Variants in FBXW7 observed in about 807,000 individuals in gnomAD.
FBXW7 encodes the protein F-box and WD repeat domain containing 7, also known as F-box/WD repeat-containing protein 7.
A neutral mutation model predicts 86.3 loss-of-function variants in FBXW7; 11 were observed. The ratio of observed to expected loss-of-function variants is 0.13; its 90% confidence interval spans 0.08 to 0.21. The LOEUF (loss-of-function observed/expected upper bound fraction) is 0.21. Among genes scored for constraint, FBXW7 ranks in the 10% least tolerant of loss-of-function variants. FBXW7 has a pLI of 1.00. For missense variants in FBXW7, 488 were observed against 847.4 expected, an observed-to-expected ratio of 0.58 and a Z score of 5.27; for synonymous variants, 313 against 297.9, an observed-to-expected ratio of 1.05 and a Z score of -0.52.
chr4:152,324,140 G>T lies in FBXW7; in HGVS notation c.1855+44C>A, dbSNP rs749623177. 4.8e-6 allele frequency: 7 copies of T among 1,450,558 alleles called. No individual in the cohort carries two copies. The East Asian group carries it at 1.4e-4, about 28-fold the overall frequency. 89.9% of individuals were successfully genotyped at this position (1,450,558 alleles called of 1,614,324 possible). A position where few individuals can be genotyped will look rare whatever the true frequency, so the allele number is the denominator to read the frequency against. ...AGGCTCCATATTTCTCTTGAATAATGATCTCATTTTTAATGAACAAAACGA... is the reference window on the plus strand; with the variant it reads ...AGGCTCCATATTTCTCTTGAATAATTATCTCATTTTTAATGAACAAAACGA... On this transcript the variant is annotated intron_variant, in intron 13 of 13. Transcript: ENST00000281708.
At chr4:152,446,399 CTAACTCT>C (rs1741403758) in intron 2 of FBXW7, among the ~76,000 whole-genome samples, 1 of 145,416 alleles carries the variant, frequency 6.9e-6, no homozygotes, top group Non-Finnish European at 1.5e-5. Flanking sequence ...ATCCTTCTTC[CTAACTCT>C]AACTTCTATA....
intron 7 of FBXW7, among the ~76,000 whole-genome samples, chr4:152,334,731 A>G (rs1392638455): frequency 6.6e-6 from 1 of 152,206 alleles, no homozygotes. Flanking sequence ...AGAGAAATAT[A>G]AAGAAATACT....
At chr4:152,526,176 C>A (rs934772564) in intron 2 of FBXW7, among the ~76,000 whole-genome samples, 4 of 150,404 alleles carry the variant, frequency 2.7e-5, no homozygotes, top group African/African-American at 4.9e-5. Context: ...TTCTTATAGA[C>A]GTTGGACAAT....
intron 2 of FBXW7, among the ~76,000 whole-genome samples, chr4:152,519,674 A>G (rs1445030151): frequency 6.6e-6 from 1 of 152,228 alleles, no homozygotes; most frequent in African/African-American, 2.4e-5. Flanking sequence ...TTTCACAATT[A>G]TTTTGTATAA....
intron 6 of FBXW7, among the ~76,000 whole-genome samples, chr4:152,341,610 ACT>A (rs1450122651): frequency 6.6e-6 from 1 of 152,132 alleles, no homozygotes; most frequent in Non-Finnish European, 1.5e-5. Context: ...ATCAGGAAAT[ACT>A]CTCTCTAGAT....
At chr4:152,474,341 T>C (rs1481854316) in intron 2 of FBXW7, among the ~76,000 whole-genome samples, 1 of 152,234 alleles carries the variant, frequency 6.6e-6, no homozygotes, top group Non-Finnish European at 1.5e-5. Flanking sequence ...CATGTTTAGA[T>C]AGTGTTCGTA....
intron 6 of FBXW7, among the ~76,000 whole-genome samples, chr4:152,341,379 C>T (rs1281441974): frequency 3.3e-5 from 5 of 152,192 alleles, no homozygotes; most frequent in African/African-American, 1.2e-4. Flanking sequence ...CCTAGATACC[C>T]ACATGCCTTG....
At chr4:152,464,137 C>T (rs1743200742) in intron 2 of FBXW7, among the ~76,000 whole-genome samples, 1 of 152,148 alleles carries the variant, frequency 6.6e-6, no homozygotes, top group Non-Finnish European at 1.5e-5. Context: ...TTTACTTACA[C>T]TTAAGAAAGC....
rs182700074 is a variant in FBXW7 at position 152,468,269 on chromosome 4, C to T, written c.-119-55740G>A. On this transcript the variant is annotated intron_variant, in intron 2 of 13. Coordinates refer to ENST00000281708, the MANE Select transcript of FBXW7 (RefSeq NM_001349798.2). ...ACAGGTACTATATTATCGAGCAATCCCACCCCATCCATATATACTCAAAAA... is the reference window on the plus strand; with the variant it reads ...ACAGGTACTATATTATCGAGCAATCTCACCCCATCCATATATACTCAAAAA... 2.3e-3 allele frequency among the ~76,000 whole-genome samples: 357 copies of T among 151,936 alleles called. 1 individual carries two copies. Among genetic ancestry groups the T allele is most frequent in the Non-Finnish European group, 3.8e-3 (257 of 67,926 alleles).
At chr4:152,374,383 A>G (rs1240611543) in intron 4 of FBXW7, among the ~76,000 whole-genome samples, 1 of 152,088 alleles carries the variant, frequency 6.6e-6, no homozygotes, top group African/African-American at 2.4e-5. Context: ...AGTACATAGT[A>G]ATTACTTTTA....
At chr4:152,344,738 T>C (rs1009368092) in intron 6 of FBXW7, among the ~76,000 whole-genome samples, 1 of 152,052 alleles carries the variant, frequency 6.6e-6, no homozygotes, top group Non-Finnish European at 1.5e-5. Flanking sequence ...TTCCTATAGA[T>C]CAATACTACA....
chr4:152,394,041 T>C (rs1322030821), intron 4 of FBXW7, among the ~76,000 whole-genome samples: 1 of 152,086 alleles, frequency 6.6e-6, no homozygotes, highest in Non-Finnish European at 1.5e-5. Flanking sequence ...GAAGTTAATA[T>C]CCTATGTCAG....
chr4:152,475,080 G>C (rs991814386), intron 2 of FBXW7, among the ~76,000 whole-genome samples: 7 of 151,466 alleles, frequency 4.6e-5, no homozygotes, highest in African/African-American at 1.7e-4. Context: ...CATCCTGGCT[G>C]ACAGAGCAAG....
chr4:152,331,791 G>C (rs915199065), intron 8 of FBXW7, among the ~76,000 whole-genome samples: 8 of 152,050 alleles, frequency 5.3e-5, no homozygotes, highest in Admixed American at 5.2e-4. Context: ...TGGAAGAAGG[G>C]AAGGCACAGA....
intron 4 of FBXW7, among the ~76,000 whole-genome samples, chr4:152,390,795 A>G (rs1039322499): frequency 1.2e-4 from 18 of 152,012 alleles, no homozygotes; most frequent in African/African-American, 4.3e-4. Flanking sequence ...AATTATACTA[A>G]TAATTAGGAC....
chr4:152,462,917 C>CT (rs534922461), intron 2 of FBXW7, among the ~76,000 whole-genome samples: 3,455 of 127,060 alleles, frequency 0.027, 59 homozygotes, highest in Middle Eastern at 0.064. Context: ...CACTTCCAGT[C>CT]TTTTTTTTTT....
chr4:152,519,658 C>T (rs140825491), intron 2 of FBXW7, among the ~76,000 whole-genome samples: 1 of 152,322 alleles, frequency 6.6e-6, no homozygotes, highest in African/African-American at 2.4e-5. Flanking sequence ...AAATGACGGA[C>T]TTCAATTTCA....
chr4:152,441,850 C>A (rs772372632), intron 2 of FBXW7, among the ~76,000 whole-genome samples: 1 of 152,128 alleles, frequency 6.6e-6, no homozygotes, highest in Non-Finnish European at 1.5e-5. Flanking sequence ...GAATATGTTA[C>A]AAAACTTTGC....
chr4:152,321,234 C>A lies in FBXW7; in HGVS notation c.*1647G>T, dbSNP rs529660595. ...AAATACTTATAATGAAGGATTATTACTTCAGTGGAAGAAACAGGCATACTA... is the reference window on the plus strand; with the variant it reads ...AAATACTTATAATGAAGGATTATTAATTCAGTGGAAGAAACAGGCATACTA... On this transcript the variant is annotated 3_prime_UTR_variant, in exon 14 of 14. Transcript: ENST00000281708. The A allele has an allele frequency of 2.4e-4, 54 of 228,738 alleles. No homozygotes were observed. Among genetic ancestry groups the A allele is most frequent in the African/African-American group, 1.1e-3 (48 of 45,196 alleles). The allele number at this position is 228,738 out of a possible 1,614,324, so 14.2% of individuals were successfully genotyped here.
Sources: gnomAD v4.1 joint callset for allele counts (sites outside exome capture counted in the v4.1 genomes callset) on GRCh38, gnomAD v4.1.1 for gene constraint, MANE v1.5 for transcripts, NCBI Gene and HGNC (gene_info 2026-07-23, HGNC 2026-07-21) for gene names.